The following CSMD1 variants were observed in gnomAD, a reference collection of about 807,000 sequenced individuals.
The protein encoded by CSMD1 is CUB and Sushi multiple domains 1.
In CSMD1, 213 loss-of-function variants were observed where a neutral mutation model predicts 417.5. The observed-to-expected ratio is 0.51, with a 90% CI of 0.46 to 0.57. CSMD1 has a LOEUF of 0.57. CSMD1 is among the 20% of genes least tolerant of loss of function. The pLI is 0.00. For synonymous variants in CSMD1, 2,862 were observed against 1,736.8 expected (o/e 1.65, Z -16.11); for missense variants, 6,923 against 4,529.7 (o/e 1.53, Z -15.17).
chr8:3,327,354 C>T (rs1178074748), intron 23 of CSMD1, among the ~76,000 whole-genome samples: 2 of 152,068 alleles, frequency 1.3e-5, no homozygotes, highest in African/African-American at 4.8e-5. Context: ...AGGATGGTCT[C>T]GATCTCGTGA....
chr8:3,739,153 G>A (rs1295713035), intron 6 of CSMD1, among the ~76,000 whole-genome samples: 2 of 152,154 alleles, frequency 1.3e-5, no homozygotes, highest in South Asian at 2.1e-4. Context: ...TTTAAACAAT[G>A]TTTGCAGTTA....
intron 3 of CSMD1, among the ~76,000 whole-genome samples, chr8:4,237,594 G>T (rs185920327): frequency 1.3e-3 from 204 of 151,678 alleles, no homozygotes; most frequent in Non-Finnish European, 1.8e-3. Context: ...GAGCACAATA[G>T]TGTCATCACA....
chr8:3,975,520 G>C (rs185753111), intron 5 of CSMD1, among the ~76,000 whole-genome samples: 3 of 152,222 alleles, frequency 2.0e-5, no homozygotes, highest in East Asian at 1.9e-4. Flanking sequence ...TCATCCACAG[G>C]TTGCTGCTGC....
At chr8:3,845,184 C>A (rs1803415939) in intron 5 of CSMD1, among the ~76,000 whole-genome samples, 1 of 152,132 alleles carries the variant, frequency 6.6e-6, no homozygotes, top group South Asian at 2.1e-4. Context: ...AAAACACATA[C>A]CGTTAGGAAA....
chr8:3,221,372 G>C (rs891320151), intron 28 of CSMD1, among the ~76,000 whole-genome samples: 1 of 152,192 alleles, frequency 6.6e-6, no homozygotes, highest in Admixed American at 6.5e-5. Flanking sequence ...AGCAGGAATG[G>C]TGTGGGTTAC....
intron 4 of CSMD1, among the ~76,000 whole-genome samples, chr8:4,023,753 A>ATTTTTT (rs760333220): frequency 2.0e-5 from 1 of 50,124 alleles, no homozygotes; most frequent in Non-Finnish European, 3.5e-5. Flanking sequence ...CGCTCGGCTA[A>ATTTTTT]TTTTTTTTTT....
intron 27 of CSMD1, 112 bp downstream of exon 27, chr8:3,229,928 A>G: frequency 1.3e-6 from 1 of 787,400 alleles, no homozygotes; most frequent in East Asian, 2.8e-5. Context: ...AGAGAACATG[A>G]AAGAAACTCT....
At chr8:3,112,478 A>G (rs1432921392) in intron 42 of CSMD1, among the ~76,000 whole-genome samples, 1 of 152,210 alleles carries the variant, frequency 6.6e-6, no homozygotes, top group African/African-American at 2.4e-5. Flanking sequence ...GGTAGAACAC[A>G]TTCCTGATTC....
Position 3,741,278 on chromosome 8 carries a change from T to C in CSMD1, c.931+12652A>G, listed in dbSNP as rs539637879. Among the ~76,000 whole-genome samples, 14 of 140,864 alleles carry C rather than the reference T, an allele frequency of 9.9e-5. No individual in the cohort carries two copies. In the East Asian group the frequency reaches 3.0e-3, roughly 30 times the overall value. The allele number at this position is 140,864 out of a possible 152,430, so 92.4% of individuals were successfully genotyped here. On this transcript the variant is annotated intron_variant, in intron 6 of 69. Coordinates refer to ENST00000635120, the MANE Select transcript of CSMD1 (RefSeq NM_033225.6). ...AGAAGGTAGAGGAGGTATGACTCCA[T>C]GCGGTAGAGTTTAGTAGGTCAGAGA...
chr8:4,923,084 A>G (rs972455651), intron 1 of CSMD1, among the ~76,000 whole-genome samples: 13 of 152,236 alleles, frequency 8.5e-5, no homozygotes, highest in Non-Finnish European at 1.8e-4. Context: ...ATCTTAAAAA[A>G]TGATTTGAAA....
At chr8:4,345,598 A>G (rs573702897) in intron 3 of CSMD1, among the ~76,000 whole-genome samples, 2 of 152,220 alleles carry the variant, frequency 1.3e-5, no homozygotes, top group Admixed American at 1.3e-4. Context: ...TGAGGAAATC[A>G]CAGAAAACAA....
intron 5 of CSMD1, among the ~76,000 whole-genome samples, chr8:3,960,576 T>C (rs1219861362): frequency 6.6e-6 from 1 of 152,104 alleles, no homozygotes; most frequent in African/African-American, 2.4e-5. Flanking sequence ...ATTTAATTAC[T>C]GATAAAGCAA....
At chr8:3,232,706 A>C (rs1185134381) in intron 26 of CSMD1, among the ~76,000 whole-genome samples, 1 of 152,066 alleles carries the variant, frequency 6.6e-6, no homozygotes, top group African/African-American at 2.4e-5. Context: ...TGTGCCCTGA[A>C]GTTCCTGCTC....
chr8:4,486,079 C>T (rs533528989), intron 2 of CSMD1, among the ~76,000 whole-genome samples: 2 of 148,460 alleles, frequency 1.3e-5, no homozygotes, highest in African/African-American at 5.0e-5. Flanking sequence ...TTAAATTTCT[C>T]TTTCTCTTTC....
At chr8:4,925,570 G>A (rs79453139) in intron 1 of CSMD1, among the ~76,000 whole-genome samples, 3,529 of 146,816 alleles carry the variant, frequency 0.024, 95 homozygotes, top group African/African-American at 0.07. Flanking sequence ...TTTTTGAGAC[G>A]GAGTCTCGCT....
At chr8:4,237,301 G>C (rs532164126) in intron 3 of CSMD1, among the ~76,000 whole-genome samples, 26 of 152,302 alleles carry the variant, frequency 1.7e-4, no homozygotes, top group African/African-American at 4.8e-4. Flanking sequence ...CAAATATTGA[G>C]AGGGAATGTT....
At chr8:4,630,121 G>C (rs980155477) in intron 2 of CSMD1, among the ~76,000 whole-genome samples, 7 of 152,142 alleles carry the variant, frequency 4.6e-5, no homozygotes, top group Admixed American at 2.6e-4. Flanking sequence ...GGAGGTAGTT[G>C]TCTGAATTCA....
intron 5 of CSMD1, among the ~76,000 whole-genome samples, chr8:3,854,618 G>A (rs1168147882): frequency 6.6e-6 from 1 of 152,018 alleles, no homozygotes; most frequent in African/African-American, 2.4e-5. Context: ...AAATCTGGTA[G>A]CTCCATTGTC....
intron 3 of CSMD1, among the ~76,000 whole-genome samples, chr8:4,039,533 G>A (rs538210912): frequency 6.6e-6 from 1 of 152,136 alleles, no homozygotes; most frequent in Admixed American, 6.5e-5. Context: ...AAGCATTTAT[G>A]ACAAAAGCAA....
Sources: allele counts gnomAD v4.1 joint callset (sites outside exome capture counted in the v4.1 genomes callset), GRCh38; gene constraint gnomAD v4.1.1; transcripts MANE v1.5; gene names NCBI Gene and HGNC (gene_info 2026-07-23, HGNC 2026-07-21).